The following NNT variants were observed in gnomAD, a reference collection of about 807,000 sequenced individuals.
NNT encodes the protein NAD(P) transhydrogenase, mitochondrial.
A neutral mutation model predicts 104.8 loss-of-function variants in NNT; 50 were observed. That is an observed-to-expected ratio of 0.48 (90% CI 0.38 to 0.60). NNT has a LOEUF of 0.60. NNT is among the 20% of genes least tolerant of loss of function. NNT has a pLI of 0.00. For missense variants in NNT, 1,131 were observed against 1,330.7 expected (o/e 0.85, Z 2.33); for synonymous variants, 461 against 490.4 (o/e 0.94, Z 0.79).
chr5:43,635,535 G>T (rs1015184878), intron 7 of NNT, among the ~76,000 whole-genome samples: 8 of 152,194 alleles, frequency 5.3e-5, no homozygotes, highest in Admixed American at 4.6e-4. Context: ...GTATTAGTGT[G>T]CTAGGGCTGC....
Position 43,605,522 on chromosome 5 carries a change from CAAAAAAA to C in NNT, c.-54+2251_-54+2257del, listed in dbSNP as rs70997416. On this transcript the variant is annotated intron_variant, in intron 1 of 21. Coordinates refer to ENST00000344920, the MANE Select transcript of NNT (RefSeq NM_182977.3). Reference sequence around the variant, plus strand: ...TGGGCGACAGAGCGAGACTCCGTCTCAAAAAAAAAAAAAAAAAAAAAAAAAAAAAGTT... The same window carrying C: ...TGGGCGACAGAGCGAGACTCCGTCTCAAAAAAAAAAAAAAAAAAAAAAGTT... Among the ~76,000 whole-genome samples the C allele has an allele frequency of 3.4e-3, 129 of 37,752 alleles. 1 individual carries two copies. The East Asian group carries it at 0.075, about 22-fold the overall frequency. 24.8% of individuals were successfully genotyped at this position (37,752 alleles called of 152,430 possible).
In NNT at chr5:43,630,156, T is replaced by G. The variant is rs555340262; in HGVS notation, c.964+1769T>G. Among the ~76,000 whole-genome samples, 3 of 152,302 alleles carry G rather than the reference T, an allele frequency of 2.0e-5. No homozygotes were observed. The South Asian group carries it at 6.2e-4, about 32-fold the overall frequency. ...TTTTTGAGTTAATTTTTGTATAAGGTGAGGGGTGAGGATCCAGCTTCATTC... is the reference window on the plus strand; with the variant it reads ...TTTTTGAGTTAATTTTTGTATAAGGGGAGGGGTGAGGATCCAGCTTCATTC... On this transcript the variant is annotated intron_variant, in intron 7 of 21. Transcript: ENST00000344920.
chr5:43,633,027 A>G (rs1750759032), intron 7 of NNT, among the ~76,000 whole-genome samples: 1 of 152,190 alleles, frequency 6.6e-6, no homozygotes, highest in African/African-American at 2.4e-5. Flanking sequence ...AGAACTATGG[A>G]GCACATGCTA....
chr5:43,631,649 C>G (rs1435989029), intron 7 of NNT, among the ~76,000 whole-genome samples: 1 of 152,090 alleles, frequency 6.6e-6, no homozygotes, highest in Non-Finnish European at 1.5e-5. Flanking sequence ...GATTACAGAG[C>G]TAGATGTCAG....
At chr5:43,637,879 A>C (rs1400552296) in intron 7 of NNT, among the ~76,000 whole-genome samples, 1 of 152,172 alleles carries the variant, frequency 6.6e-6, no homozygotes, top group Non-Finnish European at 1.5e-5. Flanking sequence ...CCAGTCACTA[A>C]TAAGGTGATA....
At chr5:43,677,399 TGAG>T (rs1164754642) in intron 18 of NNT, among the ~76,000 whole-genome samples, 1 of 138,712 alleles carries the variant, frequency 7.2e-6, no homozygotes, top group South Asian at 2.4e-4. Flanking sequence ...TTTAAAAACA[TGAG>T]AGAGAGAGAG....
chr5:43,612,298 T>C (rs1749543041), intron 2 of NNT, among the ~76,000 whole-genome samples: 1 of 152,208 alleles, frequency 6.6e-6, no homozygotes, highest in African/African-American at 2.4e-5. Context: ...TAAGTCATCT[T>C]ATAAGGTGCA....
Position 43,698,877 on chromosome 5 carries a change from CTATATA to C in NNT, c.2877-1233_2877-1228del, listed in dbSNP as rs1337961622. Among the ~76,000 whole-genome samples the C allele has an allele frequency of 3.4e-5, 5 of 145,674 alleles. 1 individual carries two copies. Among genetic ancestry groups the C allele is most frequent in the African/African-American group, 1.3e-4 (5 of 39,228 alleles). ...GCACACACACACATATATATGTAGACTATATATATATATACACTACATATATATATA... is the reference window on the plus strand; with the variant it reads ...GCACACACACACATATATATGTAGACTATATATACACTACATATATATATA... On this transcript the variant is annotated intron_variant, in intron 19 of 21. Coordinates refer to ENST00000344920, the MANE Select transcript of NNT (RefSeq NM_182977.3).
chr5:43,615,924 G>C lies in NNT; in HGVS notation c.458G>C (p.Ser153Thr). The change falls in exon 4 of 22, where the codon AGT becomes ACT. Residue 153 changes from serine (S) to threonine (T), a missense_variant. Transcript: ENST00000344920. ...DLLKTSGTLI[S>T]FIYPAQNPEL... ...TTAAAGACATCAGGAACGCTGATTAGTTTTATTTACCCAGCCCAAAATCCA... is the reference window on the plus strand; with the variant it reads ...TTAAAGACATCAGGAACGCTGATTACTTTTATTTACCCAGCCCAAAATCCA... The C allele has an allele frequency of 6.2e-7, 1 of 1,614,118 alleles. No homozygotes were observed. Among genetic ancestry groups the C allele is most frequent in the Non-Finnish European group, 8.5e-7 (1 of 1,179,982 alleles).
At chr5:43,672,874 C>A (rs1347435259) in intron 17 of NNT, among the ~76,000 whole-genome samples, 1 of 152,212 alleles carries the variant, frequency 6.6e-6, no homozygotes, top group Non-Finnish European at 1.5e-5. Context: ...TATGCCCTGC[C>A]CCCAGAGGTG....
intron 19 of NNT, among the ~76,000 whole-genome samples, chr5:43,691,113 G>T (rs958593195): frequency 7.0e-6 from 1 of 143,236 alleles, no homozygotes; most frequent in African/African-American, 2.5e-5. Context: ...GTGTGTGTGT[G>T]TTTTGAGATG....
chr5:43,693,135 C>T (rs1359322542), intron 19 of NNT, among the ~76,000 whole-genome samples: 1 of 151,888 alleles, frequency 6.6e-6, no homozygotes, highest in Non-Finnish European at 1.5e-5. Flanking sequence ...CCGTAGAAGA[C>T]AAGGTTAAAA....
At chr5:43,685,840 CTGT>C (rs759652663) in intron 19 of NNT, among the ~76,000 whole-genome samples, 3 of 152,066 alleles carry the variant, frequency 2.0e-5, no homozygotes, top group Non-Finnish European at 4.4e-5. Context: ...ATGGAAACTT[CTGT>C]TGTTGTGTCC....
rs199601504 is a variant in NNT at position 43,683,423 on chromosome 5, G to A, written c.2876+5617G>A. Among the ~76,000 whole-genome samples, 31 of 152,314 alleles carry A rather than the reference G, an allele frequency of 2.0e-4. No homozygotes were observed. The East Asian group carries it at 5.8e-3, about 28-fold the overall frequency. On this transcript the variant is annotated intron_variant, in intron 19 of 21. Coordinates refer to ENST00000344920, the MANE Select transcript of NNT (RefSeq NM_182977.3). ...GCCTGTGCTTTAGGTGCTTTGTAAA[G>A]CCTCTTTTGGTCATACCACTCTAGG... is the stretch of plus-strand genomic sequence containing the variant.
intron 14 of NNT, 114 bp downstream of exon 14, chr5:43,653,327 T>C (rs760404890): frequency 2.1e-5 from 21 of 1,018,570 alleles, no homozygotes; most frequent in Non-Finnish European, 2.6e-5. Flanking sequence ...CTTCAGTTAA[T>C]ATTATTTTGG....
chr5:43,676,657 A>G (rs566123298), intron 18 of NNT, among the ~76,000 whole-genome samples: 212 of 152,312 alleles, frequency 1.4e-3, no homozygotes, highest in African/African-American at 5.0e-3. Flanking sequence ...CTATTGAGCA[A>G]TGCTGTTCTG....
At position 43,690,221 on chromosome 5, in the gene NNT, C is replaced by T. The variant is rs138212439; in HGVS notation, c.2877-9898C>T. ...CAATCCAGAAGGAATTAAGCCTTCT[C>T]GATATCTTGATTTTTTTTTTTTTAG... On this transcript the variant is annotated intron_variant, in intron 19 of 21. Coordinates refer to ENST00000344920, the MANE Select transcript of NNT (RefSeq NM_182977.3). Among the ~76,000 whole-genome samples, 240 of 151,944 alleles carry T rather than the reference C, an allele frequency of 1.6e-3. 2 individuals carry two copies. Among genetic ancestry groups the T allele is most frequent in the Admixed American group, 3.7e-3 (57 of 15,250 alleles).
intron 3 of NNT, 188 bp downstream of exon 3, chr5:43,613,325 A>G (rs1749601946): frequency 1.8e-6 from 1 of 562,880 alleles, no homozygotes; most frequent in Non-Finnish European, 3.1e-6. Flanking sequence ...AGACAATATG[A>G]TCTATGTTTA....
At chr5:43,662,471 ATAGATATTTTGTACTCC>A (rs1388411898) in intron 17 of NNT, among the ~76,000 whole-genome samples, 2 of 152,140 alleles carry the variant, frequency 1.3e-5, no homozygotes, top group Non-Finnish European at 2.9e-5. Context: ...TCAGCATTCC[ATAGATATTTTGTACTCC>A]TATTCTGTAT....
Sources: allele counts gnomAD v4.1 joint callset (sites outside exome capture counted in the v4.1 genomes callset), GRCh38; gene constraint gnomAD v4.1.1; transcripts MANE v1.5; gene names NCBI Gene and HGNC (gene_info 2026-07-23, HGNC 2026-07-21).